The following ACCS variants were observed in gnomAD, a reference collection of about 807,000 sequenced individuals.
The protein encoded by ACCS is 1-aminocyclopropane-1-carboxylate synthase homolog (inactive).
A neutral mutation model predicts 59.8 loss-of-function variants in ACCS; 42 were observed. The ratio of observed to expected loss-of-function variants is 0.70; its 90% CI spans 0.55 to 0.91. The LOEUF (loss-of-function observed/expected upper bound fraction) is 0.91, where lower values mean the gene tolerates loss of function less well. ACCS is among the 40% of genes least tolerant of loss of function. ACCS has a pLI of 0.00. For missense variants in ACCS, 602 were observed against 630.4 expected (o/e 0.95, Z 0.48); for synonymous variants, 230 against 240.3 (o/e 0.96, Z 0.40).
chr11:44,070,624 A>C (rs1449309043), intron 2 of ACCS, among the ~76,000 whole-genome samples: 1 of 151,706 alleles, frequency 6.6e-6, no homozygotes, highest in Non-Finnish European at 1.5e-5. Flanking sequence ...TGTAAGGGAG[A>C]GCTTGGGTTA....
rs71490052 is a variant in ACCS, at chr11:44,081,112, G to C, written c.969+47G>C. On this transcript the variant is annotated intron_variant, in intron 11 of 14. Transcript: ENST00000263776. ...GGGGTGTCAGAAGGGTGGGAGGGCA[G>C]AGAGGTGGGTGGAACCAGCTTCCTC... 3.7e-6 allele frequency: 6 copies of C among 1,614,206 alleles called. No individual in the cohort carries two copies. The South Asian group carries it at 6.6e-5, about 18-fold the overall frequency.
chr11:44,079,333 C>T, intron 9 of ACCS, 198 bp from the exon 10 acceptor site: 1 of 561,616 alleles, frequency 1.8e-6, no homozygotes, highest in Non-Finnish European at 3.2e-6. Flanking sequence ...TTCAAAAGCT[C>T]CTCTGTCACC....
intron 12 of ACCS, among the ~76,000 whole-genome samples, 154 bp from the exon 13 acceptor site, chr11:44,083,015 C>G (rs1953708313): frequency 6.6e-6 from 1 of 152,122 alleles, no homozygotes; most frequent in African/African-American, 2.4e-5. Context: ...CTTGACCTCC[C>G]CTTCGTAATC....
At chr11:44,073,233 G>T in intron 3 of ACCS, 1 of 577,918 alleles carries the variant, frequency 1.7e-6, no homozygotes, top group Non-Finnish European at 3.1e-6. Flanking sequence ...TCTCAGCTCT[G>T]CCACTTGCTA....
chr11:44,074,736 C>A, intron 5 of ACCS, 55 bp downstream of exon 5: 1 of 107,472 alleles, frequency 9.3e-6, no homozygotes, highest in Non-Finnish European at 1.7e-5. Context: ...CTCTCCATCT[C>A]TTTCTTTCTT....
Position 44,073,527 on chromosome 11 carries a change from T to A in ACCS, c.419+10T>A. ...GGAGGGGACATCTGTTGTAAGTAGT[T>A]GCCATAGGGTGAGTTTGTCCCCCTG... is the stretch of plus-strand genomic sequence containing the variant. On this transcript the variant is annotated intron_variant, in intron 4 of 14. Coordinates refer to ENST00000263776, the MANE Select transcript of ACCS (RefSeq NM_032592.4). The A allele has an allele frequency of 6.3e-7, 1 of 1,598,014 alleles. No individual in the cohort carries two copies. The highest frequency in any genetic ancestry group is 8.5e-7 in the Non-Finnish European group (1 of 1,170,712).
intron 5 of ACCS, 90 bp downstream of exon 5, chr11:44,074,771 TCTTTTTC>T: frequency 4.6e-6 from 2 of 433,892 alleles, no homozygotes. Flanking sequence ...TTTCTTTCTT[TCTTTTTC>T]TCTCTCTCTC....
At chr11:44,071,212 C>A (rs757681771) in intron 2 of ACCS, 44 bp from the exon 3 acceptor site, 5 of 1,603,350 alleles carry the variant, frequency 3.1e-6, no homozygotes, top group East Asian at 2.2e-5. Flanking sequence ...TTCACTGGCA[C>A]CCCCCTGCCA....
intron 3 of ACCS, 104 bp from the exon 4 acceptor site, chr11:44,073,343 G>T: frequency 1.0e-6 from 1 of 952,850 alleles, no homozygotes; most frequent in East Asian, 2.6e-5. Flanking sequence ...CCCTCTCGCA[G>T]TTTCTCTGAT....
Position 44,081,258 on chromosome 11 carries a change from G to C in ACCS, c.1049G>C (p.Cys350Ser). 3 of 1,614,234 alleles carry C rather than the reference G, an allele frequency of 1.9e-6. No individual in the cohort carries two copies. In the South Asian group the frequency reaches 3.3e-5, roughly 18 times the overall value. Reference sequence around the variant, plus strand: ...GTGGCCACTGCCGTGGCTTCCCTCTGCCGCTACCACGGCCTCAGTGGCTTG... The same window carrying C: ...GTGGCCACTGCCGTGGCTTCCCTCTCCCGCTACCACGGCCTCAGTGGCTTG... ...QDVATAVASL[C>S]RYHGLSGLVQ... Residue 350 changes from cysteine to serine, a missense_variant, in exon 12 of 15, where the codon TGC becomes TCC. Cys to Ser is a moderately radical substitution (Grantham distance 112, BLOSUM62 -1). Transcript: ENST00000263776.
chr11:44,067,515 C>G, intron 1 of ACCS, 113 bp from the exon 2 acceptor site: 1 of 1,154,376 alleles, frequency 8.7e-7, no homozygotes, highest in Non-Finnish European at 1.2e-6. Flanking sequence ...AGTGCATAAA[C>G]CTAAAGGAAG....
At chr11:44,071,195 G>C in intron 2 of ACCS, 61 bp from the exon 3 acceptor site, 2 of 1,581,822 alleles carry the variant, frequency 1.3e-6, no homozygotes, top group South Asian at 2.2e-5. Context: ...ATGGGCTCCT[G>C]GGGCCTTTCA....
chr11:44,073,981 C>T (rs536262377), intron 4 of ACCS, among the ~76,000 whole-genome samples: 3 of 152,122 alleles, frequency 2.0e-5, no homozygotes, highest in Non-Finnish European at 4.4e-5. Context: ...TGAACACTTG[C>T]TTGTGGACAC....
chr11:44,079,449 T>C, intron 9 of ACCS, 82 bp from the exon 10 acceptor site: 1 of 1,178,060 alleles, frequency 8.5e-7, no homozygotes, highest in African/African-American at 1.5e-5. Context: ...CCTCTGGATT[T>C]CTGATGTATT....
chr11:44,081,986 A>G (rs1405817379), intron 12 of ACCS: 1 of 152,258 alleles, frequency 6.6e-6, no homozygotes, highest in African/African-American at 2.4e-5. Context: ...GAGCCTAGCA[A>G]ATGCACCTGC....
intron 3 of ACCS, among the ~76,000 whole-genome samples, chr11:44,073,102 T>C (rs528598115): frequency 2.0e-5 from 3 of 152,286 alleles, no homozygotes; most frequent in Non-Finnish European, 4.4e-5. Flanking sequence ...TATCACCCCA[T>C]GGAGATGCTG....
In ACCS at chr11:44,067,685, T is replaced by G; in HGVS notation, c.58T>G (p.Cys20Gly). ...RAPTTCLGPT[C>G]MQDLGSSHGE... ...TCCCACCACCTGTCTGGGCCCCACC[T>G]GCATGCAGGACCTGGGCAGTAGCCA... The change falls in exon 2 of 15, where the codon TGC (cysteine) becomes GGC (glycine). Residue 20 changes from cysteine (C) to glycine (G), a missense_variant. Coordinates refer to ENST00000263776, the MANE Select transcript of ACCS (RefSeq NM_032592.4). The G allele has an allele frequency of 3.1e-6, 5 of 1,614,158 alleles. No individual in the cohort carries two copies. The highest frequency in any genetic ancestry group is 1.1e-5 in the South Asian group (1 of 91,076).
At position 44,066,313 on chromosome 11, in the gene ACCS, G is replaced by T. The variant is rs1190883762; in HGVS notation, c.-389G>T. The T allele has an allele frequency of 6.6e-6, 1 of 152,214 alleles. No homozygotes were observed. The highest frequency in any genetic ancestry group is 2.4e-5 in the African/African-American group (1 of 41,456). 9.4% of individuals were successfully genotyped at this position (152,214 alleles called of 1,614,324 possible). A position where few individuals can be genotyped will look rare whatever the true frequency, so the allele number is the denominator to read the frequency against. On this transcript the variant is annotated 5_prime_UTR_variant, in exon 1 of 15. Transcript: ENST00000263776. ...CCGAGTGCCAGCACCGCCTCCTCCA[G>T]CTCCGCCAAGTAGGTGGGATCCACT...
At chr11:44,073,565 A>T in intron 4 of ACCS, 48 bp downstream of exon 4, 1 of 1,545,134 alleles carries the variant, frequency 6.5e-7, no homozygotes, top group Non-Finnish European at 8.8e-7. Flanking sequence ...GATGTGTGGC[A>T]ATGTTGGGAG....
Sources: gnomAD v4.1 joint callset for allele counts (sites outside exome capture counted in the v4.1 genomes callset) on GRCh38, gnomAD v4.1.1 for gene constraint, MANE v1.5 for transcripts, NCBI Gene and HGNC (gene_info 2026-07-23, HGNC 2026-07-21) for gene names.